The following IL1RAPL1 variants were observed in gnomAD, a reference collection of about 807,000 sequenced individuals.
IL1RAPL1 encodes interleukin-1 receptor accessory protein-like 1.
A neutral mutation model predicts 48.4 loss-of-function variants in IL1RAPL1; 3 were observed. The observed-to-expected ratio is 0.06, with a 90% CI of 0.03 to 0.16. The LOEUF (loss-of-function observed/expected upper bound fraction) is 0.16. Ranked by LOEUF, IL1RAPL1 falls within the 10% of genes least tolerant of loss-of-function variation. IL1RAPL1 has a pLI of 1.00. For synonymous variants in IL1RAPL1, 185 were observed against 187.7 expected, an observed-to-expected ratio of 0.99 and a Z score of 0.12; for missense variants, 349 against 530.6, an observed-to-expected ratio of 0.66 and a Z score of 3.36.
At chrX:29,288,172 G>T (rs1490824062) in intron 3 of IL1RAPL1, among the ~76,000 whole-genome samples, 1 of 109,210 alleles carries the variant, frequency 9.2e-6, no homozygotes, top group Non-Finnish European at 1.9e-5. Context: ...AAGTCCTGGG[G>T]CACATGTGCA....
At chrX:29,343,562 A>C (rs1602184542) in intron 3 of IL1RAPL1, among the ~76,000 whole-genome samples, 1 of 112,045 alleles carries the variant, frequency 8.9e-6, no homozygotes, top group East Asian at 2.8e-4. Flanking sequence ...GTAGAAACTC[A>C]AGAAATAAAA....
chrX:29,853,860 G>C (rs1030895576), intron 6 of IL1RAPL1, among the ~76,000 whole-genome samples: 1 of 111,856 alleles, frequency 8.9e-6, no homozygotes, highest in African/African-American at 3.3e-5. Flanking sequence ...ACTCAGAGGA[G>C]CTATTTTTTG....
intron 2 of IL1RAPL1, among the ~76,000 whole-genome samples, chrX:29,049,736 A>T (rs1927051995): frequency 8.9e-6 from 1 of 112,411 alleles, no homozygotes; most frequent in African/African-American, 3.2e-5. Flanking sequence ...AAACTGATTA[A>T]CTTTTTAAAA....
At position 29,632,598 on chromosome X, in the gene IL1RAPL1, T is replaced by C. The variant is rs754643086; in HGVS notation, c.704-35832T>C. ...TGTTATTACTCTGGTGATACTGAAG[T>C]CCAATGAATCTGAAATAGCATTCTT... is the stretch of plus-strand genomic sequence containing the variant. On this transcript the variant is annotated intron_variant, in intron 5 of 10. Transcript: ENST00000378993. 1.2e-4 allele frequency among the ~76,000 whole-genome samples: 13 copies of C among 112,036 alleles called. No homozygotes were observed. In the South Asian group the frequency reaches 4.8e-3, roughly 42 times the overall value.
intron 2 of IL1RAPL1, among the ~76,000 whole-genome samples, chrX:28,999,832 T>C (rs996791308): frequency 8.9e-6 from 1 of 112,050 alleles, no homozygotes; most frequent in Non-Finnish European, 1.9e-5. Context: ...GGATAGTTGC[T>C]TTGTTATCTA....
At chrX:28,793,264 C>T (rs1049161586) in intron 2 of IL1RAPL1, among the ~76,000 whole-genome samples, 3 of 110,042 alleles carry the variant, frequency 2.7e-5, no homozygotes, top group African/African-American at 9.9e-5. Flanking sequence ...GTAAAGCAAA[C>T]GCTTGCTTGG....
At chrX:29,766,920 T>A (rs1928929614) in intron 6 of IL1RAPL1, among the ~76,000 whole-genome samples, 1 of 109,082 alleles carries the variant, frequency 9.2e-6, no homozygotes, top group Non-Finnish European at 1.9e-5. Flanking sequence ...TTCTCTTACA[T>A]AGTCACAACA....
At chrX:28,701,600 T>C (rs2146930198) in intron 1 of IL1RAPL1, among the ~76,000 whole-genome samples, 1 of 112,206 alleles carries the variant, frequency 8.9e-6, no homozygotes, top group Admixed American at 9.5e-5. Context: ...CTGATTTCCA[T>C]TTTAGAAATA....
At chrX:29,728,225 C>T (rs774367330) in intron 6 of IL1RAPL1, among the ~76,000 whole-genome samples, 9 of 111,196 alleles carry the variant, frequency 8.1e-5, no homozygotes, top group African/African-American at 2.9e-4. Context: ...CGTGAGCCAC[C>T]GCACCCAGCC....
In IL1RAPL1 at chrX:29,849,570, A is replaced by G. The variant is rs779395156; in HGVS notation, c.779-67894A>G. ...GGACACTTTCATGAAGATTGGTAAGAGAAGACCTGTCTGAGATGGTGACAT... is the reference window on the plus strand; with the variant it reads ...GGACACTTTCATGAAGATTGGTAAGGGAAGACCTGTCTGAGATGGTGACAT... On this transcript the variant is annotated intron_variant, in intron 6 of 10. Coordinates refer to ENST00000378993, the MANE Select transcript of IL1RAPL1 (RefSeq NM_014271.4). Among the ~76,000 whole-genome samples the G allele has an allele frequency of 2.7e-5, 3 of 112,198 alleles. No homozygotes were observed. The East Asian group carries it at 8.5e-4, about 32-fold the overall frequency.
At chrX:29,438,548 G>A (rs998176870) in intron 5 of IL1RAPL1, among the ~76,000 whole-genome samples, 1 of 110,055 alleles carries the variant, frequency 9.1e-6, no homozygotes, top group Non-Finnish European at 1.9e-5. Context: ...GCACTGCTTT[G>A]GCTACATCCC....
At chrX:29,082,438 T>G (rs2147449755) in intron 2 of IL1RAPL1, among the ~76,000 whole-genome samples, 1 of 112,641 alleles carries the variant, frequency 8.9e-6, no homozygotes, top group Non-Finnish European at 1.9e-5. Flanking sequence ...AAGCTGCAGT[T>G]GTTTTTTGGT....
At chrX:29,195,070 A>G (rs1421088202) in intron 2 of IL1RAPL1, among the ~76,000 whole-genome samples, 1 of 111,899 alleles carries the variant, frequency 8.9e-6, no homozygotes, top group Non-Finnish European at 1.9e-5. Flanking sequence ...AGGAAGAATT[A>G]TCTCAGAATA....
chrX:29,317,223 C>A (rs1932773714), intron 3 of IL1RAPL1, among the ~76,000 whole-genome samples: 1 of 111,754 alleles, frequency 8.9e-6, no homozygotes, highest in African/African-American at 3.3e-5. Flanking sequence ...TTGCTGCCAG[C>A]TTTTTACTGG....
chrX:28,667,260 C>T (rs1023806338), intron 1 of IL1RAPL1, among the ~76,000 whole-genome samples: 1 of 112,054 alleles, frequency 8.9e-6, no homozygotes, highest in African/African-American at 3.2e-5. Flanking sequence ...AGATTTACAG[C>T]ACCGTTACCC....
chrX:29,436,220 A>AT (rs772200361), intron 5 of IL1RAPL1, among the ~76,000 whole-genome samples: 25 of 110,178 alleles, frequency 2.3e-4, no homozygotes, highest in Middle Eastern at 4.7e-3. Flanking sequence ...TATGTTTTAG[A>AT]TTTTTCTTAC....
At chrX:29,357,624 CTT>C (rs1933322353) in intron 3 of IL1RAPL1, among the ~76,000 whole-genome samples, 1 of 111,791 alleles carries the variant, frequency 8.9e-6, no homozygotes, top group Non-Finnish European at 1.9e-5. Flanking sequence ...ATTGACCTAA[CTT>C]TATTAAATGT....
chrX:29,864,265 T>C, intron 6 of IL1RAPL1, among the ~76,000 whole-genome samples: 1 of 112,486 alleles, frequency 8.9e-6, no homozygotes, highest in East Asian at 2.8e-4. Context: ...ACTTTCAATG[T>C]TGAACAAAGT....
At chrX:29,287,600 A>G (rs980105171) in intron 3 of IL1RAPL1, among the ~76,000 whole-genome samples, 7 of 112,210 alleles carry the variant, frequency 6.2e-5, no homozygotes, top group African/African-American at 2.3e-4. Context: ...TTTTAATTGT[A>G]GCCATTCTGG....
Sources: allele counts gnomAD v4.1 joint callset (sites outside exome capture counted in the v4.1 genomes callset), GRCh38; gene constraint gnomAD v4.1.1; transcripts MANE v1.5; gene names NCBI Gene and HGNC (gene_info 2026-07-23, HGNC 2026-07-21).